Variants in SH3RF3 observed in about 807,000 individuals in gnomAD.
SH3RF3 encodes SH3 domain containing ring finger 3.
In SH3RF3, 29 loss-of-function variants were observed where a neutral mutation model predicts 66.3. The observed-to-expected ratio is 0.44, with a 90% CI of 0.33 to 0.60. The LOEUF is 0.60. Among genes scored for constraint, SH3RF3 ranks in the 20% least tolerant of loss-of-function variants. The probability of loss-of-function intolerance (pLI) is 0.04; values close to 1 mark genes in which losing one functional copy is unlikely to be tolerated. For synonymous variants in SH3RF3, 583 were observed against 532.0 expected (o/e 1.10, Z -1.32); for missense variants, 1,194 against 1,190.9 (o/e 1.00, Z -0.04).
chr2:109,350,576 C>T (rs1309983403), intron 2 of SH3RF3, among the ~76,000 whole-genome samples: 1 of 152,216 alleles, frequency 6.6e-6, no homozygotes, highest in Non-Finnish European at 1.5e-5. Context: ...TGTCCTGTTG[C>T]ATCTCTCACT....
intron 1 of SH3RF3, among the ~76,000 whole-genome samples, chr2:109,267,005 GAACA>G (rs1459765651): frequency 2.0e-5 from 3 of 152,108 alleles, no homozygotes; most frequent in African/African-American, 7.2e-5. Context: ...AAGACTTGAA[GAACA>G]AACAATAATA....
chr2:109,239,446 T>C (rs1469291487), intron 1 of SH3RF3, among the ~76,000 whole-genome samples: 1 of 152,246 alleles, frequency 6.6e-6, no homozygotes. Context: ...TCTTCCCTGC[T>C]CCTTGCCTCC....
chr2:109,400,099 A>G (rs1046659809), intron 4 of SH3RF3, among the ~76,000 whole-genome samples: 11 of 152,324 alleles, frequency 7.2e-5, no homozygotes, highest in South Asian at 6.2e-4. Context: ...CAAAATCACA[A>G]TGAACTCAGA....
intron 1 of SH3RF3, among the ~76,000 whole-genome samples, chr2:109,318,365 C>T (rs747826715): frequency 2.0e-5 from 3 of 152,072 alleles, no homozygotes; most frequent in Non-Finnish European, 2.9e-5. Flanking sequence ...TCTGCCCACT[C>T]GCTGCACAGA....
chr2:109,278,494 G>C (rs1180594076), intron 1 of SH3RF3, among the ~76,000 whole-genome samples: 2 of 152,196 alleles, frequency 1.3e-5, no homozygotes, highest in Admixed American at 6.5e-5. Flanking sequence ...TGATGATGAG[G>C]CACAAGGATT....
chr2:109,146,284 G>A (rs1400817244), intron 1 of SH3RF3, among the ~76,000 whole-genome samples: 1 of 152,190 alleles, frequency 6.6e-6, no homozygotes, highest in Non-Finnish European at 1.5e-5. Context: ...CATCAGTAAA[G>A]GTCCCTGAAA....
At chr2:109,353,964 T>A (rs1682893242) in intron 2 of SH3RF3, among the ~76,000 whole-genome samples, 1 of 152,042 alleles carries the variant, frequency 6.6e-6, no homozygotes. Flanking sequence ...AGCCCCTAGA[T>A]GCTCTGGAAA....
chr2:109,470,138 T>TG, intron 8 of SH3RF3, among the ~76,000 whole-genome samples: 1 of 152,306 alleles, frequency 6.6e-6, no homozygotes, highest in Admixed American at 6.5e-5. Flanking sequence ...AAGGATTCCT[T>TG]GTCCCTTCTG....
intron 1 of SH3RF3, among the ~76,000 whole-genome samples, chr2:109,331,873 G>C (rs1407193543): frequency 1.3e-5 from 2 of 152,170 alleles, no homozygotes; most frequent in Non-Finnish European, 2.9e-5. Flanking sequence ...CCTGAGGAGA[G>C]ACCTCTCACC....
rs190449869 is a variant in SH3RF3, at chr2:109,249,874, C to T, written c.574-97800C>T. Among the ~76,000 whole-genome samples, 64 of 150,884 alleles carry T rather than the reference C, an allele frequency of 4.2e-4. 1 individual carries two copies. In the East Asian group the frequency reaches 0.011, roughly 26 times the overall value. ...TAATTTTTTTATTTTTTAGTAGAGACGGGGTTTCACTGTGTTAGCCAGGAT... is the reference window on the plus strand; with the variant it reads ...TAATTTTTTTATTTTTTAGTAGAGATGGGGTTTCACTGTGTTAGCCAGGAT... On this transcript the variant is annotated intron_variant, in intron 1 of 9. Coordinates refer to ENST00000309415, the MANE Select transcript of SH3RF3 (RefSeq NM_001099289.3).
At chr2:109,229,174 C>T (rs1679441041) in intron 1 of SH3RF3, among the ~76,000 whole-genome samples, 1 of 152,190 alleles carries the variant, frequency 6.6e-6, no homozygotes, top group Admixed American at 6.5e-5. Context: ...GTGCCAGGAA[C>T]CAGGGACAAA....
At chr2:109,400,292 CAT>C (rs1030669102) in intron 4 of SH3RF3, among the ~76,000 whole-genome samples, 15 of 152,034 alleles carry the variant, frequency 9.9e-5, no homozygotes, top group Admixed American at 5.9e-4. Context: ...CTCCCACGCA[CAT>C]GTGCACTCAT....
At chr2:109,276,833 A>G (rs1680769216) in intron 1 of SH3RF3, among the ~76,000 whole-genome samples, 1 of 152,202 alleles carries the variant, frequency 6.6e-6, no homozygotes, top group Non-Finnish European at 1.5e-5. Flanking sequence ...GGGGCCTTAT[A>G]CAAACAATAT....
intron 8 of SH3RF3, among the ~76,000 whole-genome samples, chr2:109,490,251 C>T (rs1009298677): frequency 3.9e-5 from 6 of 152,202 alleles, no homozygotes; most frequent in Non-Finnish European, 7.3e-5. Flanking sequence ...AAGCAAAGAG[C>T]AGGCATGCTT....
intron 1 of SH3RF3, among the ~76,000 whole-genome samples, chr2:109,316,497 G>T (rs1394141204): frequency 2.0e-5 from 3 of 152,198 alleles, no homozygotes; most frequent in East Asian, 1.9e-4. Context: ...GACATGGAGA[G>T]AACTTATCAC....
intron 1 of SH3RF3, among the ~76,000 whole-genome samples, chr2:109,276,412 T>A (rs1266931855): frequency 2.0e-5 from 3 of 152,194 alleles, no homozygotes; most frequent in African/African-American, 7.2e-5. Context: ...TGACTGTCAG[T>A]CCAGGCCCGT....
intron 3 of SH3RF3, among the ~76,000 whole-genome samples, chr2:109,394,239 A>G (rs923602329): frequency 6.6e-6 from 1 of 152,220 alleles, no homozygotes; most frequent in African/African-American, 2.4e-5. Context: ...TGGGGAGACA[A>G]AGTGTTGGGA....
chr2:109,352,636 G>C (rs538976741), intron 2 of SH3RF3, among the ~76,000 whole-genome samples: 1 of 152,304 alleles, frequency 6.6e-6, no homozygotes, highest in Admixed American at 6.5e-5. Flanking sequence ...CCCCGCTTGG[G>C]CTACTTTACC....
intron 1 of SH3RF3, among the ~76,000 whole-genome samples, chr2:109,301,059 T>C (rs1681454921): frequency 6.6e-6 from 1 of 152,228 alleles, no homozygotes; most frequent in South Asian, 2.1e-4. Flanking sequence ...CAGTTGTGTA[T>C]GAAGTGCCCA....
Sources: gnomAD v4.1 joint callset for allele counts (sites outside exome capture counted in the v4.1 genomes callset) on GRCh38, gnomAD v4.1.1 for gene constraint, MANE v1.5 for transcripts, NCBI Gene and HGNC (gene_info 2026-07-23, HGNC 2026-07-21) for gene names.